ENOX2: variants seen among roughly 807,000 people sequenced by gnomAD.
ENOX2 encodes the protein ecto-NOX disulfide-thiol exchanger 2.
ENOX2 carries 36 observed loss-of-function variants against 45.0 expected under a neutral mutation model. That is an observed-to-expected ratio of 0.80 (90% CI 0.61 to 1.06). The LOEUF is 1.06. ENOX2 is among the 50% of genes least tolerant of loss of function. The pLI, the probability that ENOX2 is intolerant of heterozygous loss-of-function variation, is 0.00. For synonymous variants in ENOX2, 174 were observed against 152.3 expected (o/e 1.14, Z -1.05); for missense variants, 423 against 462.5 (o/e 0.91, Z 0.78).
intron 2 of ENOX2, among the ~76,000 whole-genome samples, chrX:130,878,737 T>C (rs1470667595): frequency 1.8e-5 from 2 of 112,250 alleles, no homozygotes; most frequent in Non-Finnish European, 3.8e-5. Context: ...AAGTTATTTG[T>C]CCATATCCAT....
At chrX:130,735,594 A>G (rs1427835159) in intron 3 of ENOX2, among the ~76,000 whole-genome samples, 4 of 112,327 alleles carry the variant, frequency 3.6e-5, no homozygotes, top group African/African-American at 1.3e-4. Context: ...CTGACATAAT[A>G]AAAGTAACTG....
chrX:130,791,608 T>C (rs772941324), intron 2 of ENOX2, among the ~76,000 whole-genome samples: 5 of 111,974 alleles, frequency 4.5e-5, no homozygotes, highest in Non-Finnish European at 9.4e-5. Context: ...CTTATCAGAT[T>C]GTAACTACAT....
At chrX:130,657,935 C>T (rs1377726085) in intron 9 of ENOX2, among the ~76,000 whole-genome samples, 1 of 111,612 alleles carries the variant, frequency 9.0e-6, no homozygotes, top group Non-Finnish European at 1.9e-5. Context: ...TAACTGTGCT[C>T]ATGATGTAAA....
chrX:130,815,092 C>T (rs1269861317), intron 2 of ENOX2, among the ~76,000 whole-genome samples: 2 of 111,415 alleles, frequency 1.8e-5, no homozygotes, highest in Admixed American at 9.5e-5. Context: ...ACGAGAACTT[C>T]GTGAAGCATA....
At chrX:130,884,470 G>A (rs1347390751) in intron 2 of ENOX2, among the ~76,000 whole-genome samples, 2 of 110,894 alleles carry the variant, frequency 1.8e-5, no homozygotes, top group Non-Finnish European at 3.8e-5. Flanking sequence ...TCTAGTACAC[G>A]GGACAGTCTC....
At chrX:130,798,848 A>G (rs780055985) in intron 2 of ENOX2, among the ~76,000 whole-genome samples, 5 of 112,141 alleles carry the variant, frequency 4.5e-5, no homozygotes, top group Non-Finnish European at 9.4e-5. Context: ...AGAATACCGG[A>G]AAGCACTGCA....
chrX:130,900,134 T>A (rs141671776), intron 2 of ENOX2, among the ~76,000 whole-genome samples: 4 of 111,867 alleles, frequency 3.6e-5, no homozygotes, highest in African/African-American at 1.3e-4. Flanking sequence ...AACATGTTAA[T>A]GGTTTCTTAT....
Position 130,649,043 on chromosome X carries a change from C to CAAA in ENOX2, c.1129+7535_1129+7537dup, listed in dbSNP as rs35154919. The stretch of plus-strand genomic sequence containing the variant: ...CTGGTGACAGTGGGAGACTCCATAT[C>CAAA]AAAAAAAAAAAAAAAAAAAAAAAAA... On this transcript the variant is annotated intron_variant, in intron 10 of 14. Coordinates refer to ENST00000394363, the MANE Select transcript of ENOX2 (RefSeq NM_006375.4). Among the ~76,000 whole-genome samples, 62 of 6,803 alleles carry CAAA rather than the reference C, an allele frequency of 9.1e-3. 11 individuals carry two copies. The highest frequency in any genetic ancestry group is 0.034 in the East Asian group (4 of 116). 5.9% of individuals were successfully genotyped at this position (6,803 alleles called of 115,157 possible). A position where few individuals can be genotyped will look rare whatever the true frequency, so the allele number is the denominator to read the frequency against.
chrX:130,824,667 C>T (rs372295073), intron 2 of ENOX2, among the ~76,000 whole-genome samples: 26 of 111,414 alleles, frequency 2.3e-4, no homozygotes, highest in Non-Finnish European at 4.3e-4. Flanking sequence ...GGATTAGTAT[C>T]CTTCAAATCA....
At chrX:130,891,593 T>A (rs1365552699) in intron 2 of ENOX2, among the ~76,000 whole-genome samples, 2 of 97,097 alleles carry the variant, frequency 2.1e-5, no homozygotes, top group African/African-American at 7.6e-5. Flanking sequence ...CTTGAACTCC[T>A]CGGCTCAAGT....
chrX:130,735,631 TA>T (rs2038843016), intron 3 of ENOX2, among the ~76,000 whole-genome samples: 1 of 112,318 alleles, frequency 8.9e-6, no homozygotes, highest in Non-Finnish European at 1.9e-5. Flanking sequence ...AAAAGAATAT[TA>T]AAAAATACAA....
intron 2 of ENOX2, among the ~76,000 whole-genome samples, chrX:130,867,106 CAAATT>C (rs958585724): frequency 9.0e-6 from 1 of 111,189 alleles, no homozygotes; most frequent in Admixed American, 9.6e-5. Context: ...TTTTCTAAAA[CAAATT>C]AAAATCAATG....
At chrX:130,653,224 T>C (rs2036453035) in intron 10 of ENOX2, among the ~76,000 whole-genome samples, 1 of 112,128 alleles carries the variant, frequency 8.9e-6, no homozygotes, top group Non-Finnish European at 1.9e-5. Flanking sequence ...CCTCTTGCCT[T>C]CACTCCGGTC....
chrX:130,902,321 A>T (rs1285598044), intron 1 of ENOX2, among the ~76,000 whole-genome samples: 1 of 111,561 alleles, frequency 9.0e-6, no homozygotes, highest in Non-Finnish European at 1.9e-5. Context: ...TTTTATAACC[A>T]GTCTAACTTG....
At chrX:130,753,152 C>T (rs1292549546) in intron 3 of ENOX2, among the ~76,000 whole-genome samples, 1 of 110,984 alleles carries the variant, frequency 9.0e-6, no homozygotes, top group African/African-American at 3.3e-5. Context: ...CTCTCTCCTT[C>T]TGTCTCTCTT....
At chrX:130,838,512 G>A (rs928261830) in intron 2 of ENOX2, among the ~76,000 whole-genome samples, 1 of 112,112 alleles carries the variant, frequency 8.9e-6, no homozygotes, top group Non-Finnish European at 1.9e-5. Flanking sequence ...TTAAAAATAT[G>A]TCAGTTCCCT....
intron 3 of ENOX2, among the ~76,000 whole-genome samples, chrX:130,772,859 T>G (rs768721326): frequency 7.1e-5 from 8 of 112,387 alleles, no homozygotes; most frequent in Non-Finnish European, 1.3e-4. Context: ...CCACTCTTCA[T>G]CCCAATTGTG....
intron 10 of ENOX2, among the ~76,000 whole-genome samples, chrX:130,651,839 C>T (rs1414393298): frequency 8.9e-6 from 1 of 111,887 alleles, no homozygotes; most frequent in Admixed American, 9.5e-5. Context: ...AAAGAGGGCT[C>T]TCTCCTCTCT....
At chrX:130,878,602 A>T (rs1425675084) in intron 2 of ENOX2, among the ~76,000 whole-genome samples, 1 of 110,277 alleles carries the variant, frequency 9.1e-6, no homozygotes, top group Non-Finnish European at 1.9e-5. Context: ...TTCATAAACC[A>T]CTCTCCCTAG....
Sources: allele counts gnomAD v4.1 joint callset (sites outside exome capture counted in the v4.1 genomes callset), GRCh38; gene constraint gnomAD v4.1.1; transcripts MANE v1.5; gene names NCBI Gene and HGNC (gene_info 2026-07-23, HGNC 2026-07-21).